VMP1: variants seen among roughly 807,000 people sequenced by gnomAD.
The protein encoded by VMP1 is vacuole membrane protein 1, also known as ectopic P-granules autophagy protein 3 homolog.
VMP1 carries 11 observed loss-of-function variants against 56.0 expected under a neutral mutation model. The observed-to-expected ratio is 0.20, with a 90% CI of 0.12 to 0.32. VMP1 has a LOEUF of 0.32. VMP1 is among the 10% of genes least tolerant of loss of function. The pLI is 1.00. For synonymous variants in VMP1, 149 were observed against 165.0 expected (o/e 0.90, Z 0.74); for missense variants, 296 against 490.3 (o/e 0.60, Z 3.74).
chr17:59,732,869 T>G (rs1324255061), intron 2 of VMP1, among the ~76,000 whole-genome samples: 1 of 152,188 alleles, frequency 6.6e-6, no homozygotes, highest in African/African-American at 2.4e-5. Flanking sequence ...TAACTGTACA[T>G]GAAAAACTGA....
chr17:59,737,577 C>G, intron 4 of VMP1, 34 bp downstream of exon 4: 1 of 1,551,388 alleles, frequency 6.4e-7, no homozygotes, highest in Non-Finnish European at 8.8e-7. Flanking sequence ...TCTAGTCTTG[C>G]ACATTCTCTA....
intron 7 of VMP1, among the ~76,000 whole-genome samples, chr17:59,779,596 T>C (rs1377519007): frequency 1.3e-5 from 2 of 152,238 alleles, no homozygotes; most frequent in African/African-American, 2.4e-5. Context: ...GATTGAGTTC[T>C]CATTTCTGTT....
intron 6 of VMP1, among the ~76,000 whole-genome samples, chr17:59,767,010 G>C (rs759377889): frequency 1.2e-4 from 18 of 151,970 alleles, no homozygotes; most frequent in Non-Finnish European, 2.1e-4. Context: ...TCGAACTCCT[G>C]ACTTCAGGTG....
chr17:59,835,487 T>C (rs1277398260), intron 10 of VMP1, among the ~76,000 whole-genome samples: 2 of 148,540 alleles, frequency 1.3e-5, no homozygotes, highest in African/African-American at 5.1e-5. Context: ...AAATATGCAG[T>C]TTTTTGTTTT....
intron 7 of VMP1, among the ~76,000 whole-genome samples, chr17:59,802,253 A>G (rs2037697681): frequency 6.6e-6 from 1 of 151,928 alleles, no homozygotes; most frequent in Admixed American, 6.6e-5. Flanking sequence ...ATACACATAT[A>G]CTTACATTGT....
chr17:59,761,162 A>G (rs569905615), intron 5 of VMP1, among the ~76,000 whole-genome samples: 4 of 152,270 alleles, frequency 2.6e-5, no homozygotes, highest in East Asian at 1.9e-4. Context: ...TGGCCTCCCA[A>G]AGTGCTGGGA....
In VMP1 at chr17:59,820,858, G is replaced by A. The variant is rs557726414; in HGVS notation, c.974+3085G>A. Reference sequence around the variant, plus strand: ...GTATAGCCCAGATTCTTCTATTTCCGCAGGCTTTAGAGTTTTTATGAAATT... The same window carrying A: ...GTATAGCCCAGATTCTTCTATTTCCACAGGCTTTAGAGTTTTTATGAAATT... On this transcript the variant is annotated intron_variant, in intron 10 of 11. Transcript: ENST00000262291. Among the ~76,000 whole-genome samples the A allele has an allele frequency of 1.5e-4, 23 of 152,208 alleles. 1 individual carries two copies. In the South Asian group the frequency reaches 1.7e-3, roughly 11 times the overall value.
At chr17:59,834,307 G>T (rs1444958105) in intron 10 of VMP1, among the ~76,000 whole-genome samples, 1 of 149,858 alleles carries the variant, frequency 6.7e-6, no homozygotes, top group East Asian at 2.0e-4. Context: ...CTGTTGCCCA[G>T]GGTAGAGTGC....
At chr17:59,810,509 T>C (rs151010162) in intron 8 of VMP1, among the ~76,000 whole-genome samples, 2 of 152,192 alleles carry the variant, frequency 1.3e-5, no homozygotes, top group African/African-American at 4.8e-5. Context: ...TGGAACCTTA[T>C]GATAAAGGAA....
At chr17:59,813,200 A>G (rs995912476) in intron 9 of VMP1, among the ~76,000 whole-genome samples, 3 of 152,188 alleles carry the variant, frequency 2.0e-5, no homozygotes, top group Non-Finnish European at 2.9e-5. Flanking sequence ...TTCAAAGAAT[A>G]TATTTCCTCC....
chr17:59,763,588 T>C (rs902499697), intron 5 of VMP1, among the ~76,000 whole-genome samples: 6 of 152,122 alleles, frequency 3.9e-5, no homozygotes, highest in African/African-American at 1.2e-4. Context: ...GAGATAAATA[T>C]CACATATGTG....
intron 7 of VMP1, among the ~76,000 whole-genome samples, chr17:59,806,688 C>G (rs2144201102): frequency 7.0e-6 from 1 of 143,352 alleles, no homozygotes; most frequent in Middle Eastern, 3.6e-3. Context: ...GCACTCCAAC[C>G]TAGGCAACAA....
At chr17:59,804,216 A>G (rs2037769420) in intron 7 of VMP1, among the ~76,000 whole-genome samples, 1 of 152,196 alleles carries the variant, frequency 6.6e-6, no homozygotes, top group Non-Finnish European at 1.5e-5. Flanking sequence ...TGCACGTAAC[A>G]TATAGAACAT....
chr17:59,751,334 T>G (rs1034062858), intron 5 of VMP1, among the ~76,000 whole-genome samples: 2 of 152,154 alleles, frequency 1.3e-5, no homozygotes, highest in African/African-American at 4.8e-5. Context: ...TAGCGGAAAT[T>G]ATATCCAGAG....
chr17:59,817,888 CA>C, intron 10 of VMP1, 115 bp downstream of exon 10: 3 of 693,112 alleles, frequency 4.3e-6, no homozygotes, highest in Admixed American at 3.6e-5. Flanking sequence ...TTTTGAGGAG[CA>C]AAAATAACTT....
intron 9 of VMP1, among the ~76,000 whole-genome samples, chr17:59,813,043 T>G (rs1448220009): frequency 6.6e-6 from 1 of 152,192 alleles, no homozygotes; most frequent in African/African-American, 2.4e-5. Context: ...TTCCAGTTCT[T>G]AGAAGGGAAG....
intron 7 of VMP1, among the ~76,000 whole-genome samples, chr17:59,776,319 A>C (rs879515640): frequency 5.9e-5 from 9 of 152,212 alleles, no homozygotes; most frequent in Non-Finnish European, 1.0e-4. Context: ...AATATAAACC[A>C]AATGAAATAA....
At chr17:59,752,146 A>G (rs961968776) in intron 5 of VMP1, among the ~76,000 whole-genome samples, 28 of 152,316 alleles carry the variant, frequency 1.8e-4, no homozygotes, top group East Asian at 7.7e-4. Flanking sequence ...ATCCGTAGCT[A>G]TTTACACATC....
intron 7 of VMP1, among the ~76,000 whole-genome samples, chr17:59,782,295 TCTAA>T (rs2036851583): frequency 1.3e-5 from 2 of 148,676 alleles, no homozygotes; most frequent in Admixed American, 6.8e-5. Context: ...GATGTAGGAA[TCTAA>T]CTTTTTTCTT....
Sources: allele counts gnomAD v4.1 joint callset (sites outside exome capture counted in the v4.1 genomes callset), GRCh38; gene constraint gnomAD v4.1.1; transcripts MANE v1.5; gene names NCBI Gene and HGNC (gene_info 2026-07-23, HGNC 2026-07-21).